PTPN3: variants seen among roughly 807,000 people sequenced by gnomAD.
PTPN3 encodes the protein tyrosine-protein phosphatase non-receptor type 3.
Under a neutral mutation model 132.7 loss-of-function variants are expected in PTPN3, and 96 were observed. That is an observed-to-expected ratio of 0.72 (90% confidence interval 0.61 to 0.86). The LOEUF is 0.86. PTPN3 is among the 40% of genes least tolerant of loss of function. PTPN3 has a pLI of 0.00. For synonymous variants in PTPN3, 398 were observed against 429.0 expected (o/e 0.93, Z 0.89); for missense variants, 1,125 against 1,159.6 (o/e 0.97, Z 0.43).
intron 14 of PTPN3, among the ~76,000 whole-genome samples, chr9:109,415,077 ACCATCCATCCATCCATCCATCCAT>A (rs201768060): frequency 1.6e-5 from 2 of 125,074 alleles, no homozygotes; most frequent in Non-Finnish European, 3.4e-5. Context: ...CGTCCATCCA[ACCATCCATCCATCCATCCATCCAT>A]CCATCCATCC....
the PTPN3 span, among the ~76,000 whole-genome samples, chr9:109,518,940 A>T: frequency 6.6e-6 from 1 of 152,130 alleles, no homozygotes; most frequent in Non-Finnish European, 1.5e-5. Context: ...GCAAACTCCT[A>T]TTCATCCTTC....
chr9:109,394,207 T>C (rs969070337), intron 19 of PTPN3, among the ~76,000 whole-genome samples: 1 of 152,232 alleles, frequency 6.6e-6, no homozygotes, highest in Non-Finnish European at 1.5e-5. Context: ...TAAGTGAATA[T>C]ACAATTAAGT....
chr9:109,440,250 A>G (rs1844356671), intron 7 of PTPN3, among the ~76,000 whole-genome samples: 1 of 152,252 alleles, frequency 6.6e-6, no homozygotes, highest in Admixed American at 6.5e-5. Flanking sequence ...GAGGCTGTTA[A>G]GGCCAGCCAA....
intron 1 of PTPN3, among the ~76,000 whole-genome samples, chr9:109,480,047 G>A (rs995930303): frequency 2.6e-5 from 4 of 152,136 alleles, no homozygotes; most frequent in Non-Finnish European, 5.9e-5. Flanking sequence ...TCTCATTGTG[G>A]CTTTACTTTA....
chr9:109,513,128 A>G, the PTPN3 span, among the ~76,000 whole-genome samples: 2 of 151,500 alleles, frequency 1.3e-5, no homozygotes, highest in Non-Finnish European at 2.9e-5. Flanking sequence ...CCCACCTCAG[A>G]CTCCTGAGTA....
chr9:109,454,024 AAAAG>A (rs1485912360), intron 5 of PTPN3, among the ~76,000 whole-genome samples: 1 of 152,168 alleles, frequency 6.6e-6, no homozygotes, highest in Non-Finnish European at 1.5e-5. Context: ...AAAACAAAAA[AAAAG>A]AAAGAAAATT....
At chr9:109,460,962 G>C (rs999364844) in intron 2 of PTPN3, among the ~76,000 whole-genome samples, 2 of 152,130 alleles carry the variant, frequency 1.3e-5, no homozygotes, top group South Asian at 4.1e-4. Context: ...TCATGTTTTC[G>C]TCAGGAAGAG....
At chr9:109,521,557 C>T in the PTPN3 span, among the ~76,000 whole-genome samples, 18 of 152,216 alleles carry the variant, frequency 1.2e-4, no homozygotes, top group African/African-American at 3.9e-4. Context: ...TCACACCTCT[C>T]ATCCTTGGGG....
At chr9:109,532,952 T>G in the PTPN3 span, 8 of 267,402 alleles carry the variant, frequency 3.0e-5, no homozygotes, top group African/African-American at 1.9e-4. Context: ...GGGTTTTTTT[T>G]TTTTTTTTTT....
upstream of PTPN3, among the ~76,000 whole-genome samples, chr9:109,500,960 A>G (rs2132141692): frequency 6.6e-6 from 1 of 152,162 alleles, no homozygotes; most frequent in Non-Finnish European, 1.5e-5. Context: ...TAAAAACACA[A>G]ATAGATTGTA....
chr9:109,488,269 T>C (rs1252406934), intron 1 of PTPN3, among the ~76,000 whole-genome samples: 1 of 152,000 alleles, frequency 6.6e-6, no homozygotes, highest in Non-Finnish European at 1.5e-5. Flanking sequence ...TGTGTAATTT[T>C]TTGTATTTTT....
At chr9:109,524,186 G>C in the PTPN3 span, among the ~76,000 whole-genome samples, 1 of 152,250 alleles carries the variant, frequency 6.6e-6, no homozygotes, top group East Asian at 1.9e-4. Context: ...CAAGGCTACA[G>C]TGAGCTATGA....
At chr9:109,498,364 G>T (rs1262981986), upstream of PTPN3, 1 of 146,564 alleles carries the variant, frequency 6.8e-6, no homozygotes, top group Non-Finnish European at 1.5e-5. The surrounding 1 kb of genome is among the most constrained non-coding windows in gnomAD (Gnocchi z 4.2). Context: ...GCCGCGACGG[G>T]CCCGCGCGCC....
upstream of PTPN3, among the ~76,000 whole-genome samples, chr9:109,500,613 A>C (rs1000560080): frequency 6.5e-5 from 9 of 137,894 alleles, no homozygotes; most frequent in East Asian, 9.7e-4. Flanking sequence ...AACACGGTAC[A>C]ATGTTAAATG....
chr9:109,418,608 A>G (rs1199049222), intron 14 of PTPN3, among the ~76,000 whole-genome samples: 1 of 152,242 alleles, frequency 6.6e-6, no homozygotes, highest in African/African-American at 2.4e-5. Flanking sequence ...GTGTTAGTCT[A>G]GATGAGTGCT....
chr9:109,473,836 C>T (rs1846501021), intron 1 of PTPN3, among the ~76,000 whole-genome samples: 1 of 152,170 alleles, frequency 6.6e-6, no homozygotes. Context: ...CACTCCCTTC[C>T]ACAGGTGACC....
At chr9:109,398,525 T>C (rs1282940599) in intron 19 of PTPN3, among the ~76,000 whole-genome samples, 1 of 152,156 alleles carries the variant, frequency 6.6e-6, no homozygotes, top group Non-Finnish European at 1.5e-5. Flanking sequence ...TTGGTGAAGA[T>C]GGTGGATGCT....
At chr9:109,515,098 C>T in the PTPN3 span, among the ~76,000 whole-genome samples, 1 of 152,136 alleles carries the variant, frequency 6.6e-6, no homozygotes, top group Admixed American at 6.5e-5. Flanking sequence ...TCACTGCTCA[C>T]TGCAGCCTCA....
intron 14 of PTPN3, 136 bp downstream of exon 14, chr9:109,420,287 TC>T: frequency 1.2e-6 from 1 of 855,310 alleles, no homozygotes; most frequent in Non-Finnish European, 1.7e-6. Context: ...TATGTTCTTA[TC>T]CTGGCAGAAG....
Sources: gnomAD v4.1 joint callset for allele counts (sites outside exome capture counted in the v4.1 genomes callset) on GRCh38, gnomAD v4.1.1 for gene constraint, Gnocchi (gnomAD v3.1) non-coding constraint, MANE v1.5 for transcripts, NCBI Gene and HGNC (gene_info 2026-07-23, HGNC 2026-07-21) for gene names.